Variants in SNTB1 observed in about 807,000 individuals in gnomAD.
The protein encoded by SNTB1 is beta-1-syntrophin.
Under a neutral mutation model 48.9 loss-of-function variants are expected in SNTB1, and 36 were observed. The observed-to-expected ratio is 0.74, with a 90% confidence interval of 0.56 to 0.97. The LOEUF is 0.97. Among genes scored for constraint, SNTB1 ranks in the 50% least tolerant of loss-of-function variants. SNTB1 has a pLI of 0.00. For missense variants in SNTB1, 786 were observed against 703.4 expected (o/e 1.12, Z -1.33); for synonymous variants, 299 against 294.6 (o/e 1.01, Z -0.15).
chr8:120,763,173 A>G (rs2130072315), intron 1 of SNTB1, among the ~76,000 whole-genome samples: 1 of 152,370 alleles, frequency 6.6e-6, no homozygotes, highest in African/African-American at 2.4e-5. Context: ...TGAATCTTAT[A>G]TATCGCATTA....
intron 2 of SNTB1, among the ~76,000 whole-genome samples, chr8:120,686,328 A>AT (rs904078684): frequency 1.3e-5 from 2 of 152,166 alleles, no homozygotes; most frequent in Admixed American, 1.3e-4. Context: ...AACAATATAA[A>AT]TTTTTTTCTC....
Position 120,758,340 on chromosome 8 carries a change from G to A in SNTB1, c.571+52933C>T, listed in dbSNP as rs1003402744. 6.6e-5 allele frequency among the ~76,000 whole-genome samples: 10 copies of A among 152,094 alleles called. No individual in the cohort carries two copies. In the East Asian group the frequency reaches 1.5e-3, roughly 24 times the overall value. On this transcript the variant is annotated intron_variant, in intron 1 of 6. Coordinates refer to ENST00000517992, the MANE Select transcript of SNTB1 (RefSeq NM_021021.4). Reference sequence around the variant, plus strand: ...CACACATGGGTTGAGGGGAGGATATGAGTTTCTCACCTCCAGACATATTCA... The same window carrying A: ...CACACATGGGTTGAGGGGAGGATATAAGTTTCTCACCTCCAGACATATTCA...
chr8:120,726,701 T>C (rs1005320272), intron 1 of SNTB1, among the ~76,000 whole-genome samples: 3 of 151,298 alleles, frequency 2.0e-5, no homozygotes, highest in African/African-American at 7.3e-5. Context: ...TGCCATAGAA[T>C]ACAGAAAGCT....
At chr8:120,618,229 A>T (rs1014006758) in intron 3 of SNTB1, among the ~76,000 whole-genome samples, 2 of 152,136 alleles carry the variant, frequency 1.3e-5, no homozygotes, top group African/African-American at 4.8e-5. Context: ...ACAGGTCTGT[A>T]TTTGAAATTC....
chr8:120,648,495 C>T (rs1198035757), intron 2 of SNTB1, among the ~76,000 whole-genome samples: 9 of 151,738 alleles, frequency 5.9e-5, no homozygotes, highest in Non-Finnish European at 1.3e-4. Flanking sequence ...AATATTGGCC[C>T]CCACTCTCTT....
chr8:120,566,760 T>C (rs1563819105), intron 4 of SNTB1, among the ~76,000 whole-genome samples: 1 of 152,196 alleles, frequency 6.6e-6, no homozygotes, highest in African/African-American at 2.4e-5. Context: ...GAACATTTGC[T>C]TGTTTAACAG....
At chr8:120,597,856 C>T (rs1182322974) in intron 3 of SNTB1, among the ~76,000 whole-genome samples, 4 of 152,194 alleles carry the variant, frequency 2.6e-5, no homozygotes, top group Non-Finnish European at 4.4e-5. Context: ...AATCTTAATC[C>T]TTCAGAGGCC....
intron 3 of SNTB1, among the ~76,000 whole-genome samples, chr8:120,580,708 GTAA>G (rs1313124223): frequency 6.6e-6 from 1 of 152,160 alleles, no homozygotes; most frequent in Non-Finnish European, 1.5e-5. Flanking sequence ...AGCTATCGGT[GTAA>G]TAATAATAAT....
intron 4 of SNTB1, among the ~76,000 whole-genome samples, chr8:120,559,804 C>T (rs139959386): frequency 1.1e-3 from 169 of 152,248 alleles, no homozygotes; most frequent in African/African-American, 3.8e-3. Flanking sequence ...CAAACAGTTA[C>T]AGCACACAGA....
At chr8:120,672,323 A>G (rs774518558) in intron 2 of SNTB1, among the ~76,000 whole-genome samples, 2 of 152,214 alleles carry the variant, frequency 1.3e-5, no homozygotes, top group Non-Finnish European at 2.9e-5. Flanking sequence ...ATCATGAAAT[A>G]TTTTAAAGTG....
intron 3 of SNTB1, among the ~76,000 whole-genome samples, chr8:120,586,345 C>T (rs773757902): frequency 1.8e-4 from 27 of 152,172 alleles, no homozygotes; most frequent in Non-Finnish European, 3.8e-4. Context: ...ATTTGCTATC[C>T]TATAGTGCTG....
intron 4 of SNTB1, among the ~76,000 whole-genome samples, chr8:120,554,923 A>C (rs1419525956): frequency 6.6e-6 from 1 of 152,168 alleles, no homozygotes; most frequent in Admixed American, 6.5e-5. Flanking sequence ...TGCTTTGTTC[A>C]AGTCCTTTCT....
intron 1 of SNTB1, among the ~76,000 whole-genome samples, chr8:120,741,913 T>A (rs147551766): frequency 4.6e-5 from 7 of 152,320 alleles, no homozygotes; most frequent in African/African-American, 1.7e-4. Flanking sequence ...AAAGACTGTA[T>A]GTGACATGCA....
At chr8:120,727,299 G>A (rs1818773597) in intron 1 of SNTB1, among the ~76,000 whole-genome samples, 1 of 152,108 alleles carries the variant, frequency 6.6e-6, no homozygotes, top group African/African-American at 2.4e-5. Context: ...GGTGTCCAAG[G>A]GTTATGTCTA....
intron 4 of SNTB1, among the ~76,000 whole-genome samples, chr8:120,566,797 C>A (rs1451376581): frequency 6.6e-6 from 1 of 152,182 alleles, no homozygotes; most frequent in East Asian, 1.9e-4. Flanking sequence ...CGCTGCTGGG[C>A]AAGCCAGAAA....
intron 2 of SNTB1, chr8:120,637,745 CATAAG>C (rs775116607): frequency 1.4e-5 from 6 of 423,068 alleles, no homozygotes; most frequent in Non-Finnish European, 1.8e-5. Flanking sequence ...CAGTTCACAG[CATAAG>C]ATAAGACATT....
rs145615160 is a variant in SNTB1 at position 120,811,675 on chromosome 8, A to G, written c.169T>C (p.Tyr57His). 4.0e-5 allele frequency: 64 copies of G among 1,592,330 alleles called. No homozygotes were observed. Among genetic ancestry groups the G allele is most frequent in the Non-Finnish European group, 5.4e-5 (63 of 1,173,126 alleles). Reference sequence around the variant, plus strand: ...TTGGTGGCGGTCCCGATGCCGTTGTACGCCGCAGCGCCCTCCTCGCTGCTC... The same window carrying G: ...TTGGTGGCGGTCCCGATGCCGTTGTGCGCCGCAGCGCCCTCCTCGCTGCTC... ...VLSSEEGAAA[Y>H]NGIGTATNGS... Residue 57 changes from tyrosine to histidine, a missense_variant, in exon 1 of 7, where the codon TAC (tyrosine) becomes CAC (histidine). Physicochemically the swap from Tyr to His is moderately conservative, Grantham distance 83. Coordinates refer to ENST00000517992, the MANE Select transcript of SNTB1 (RefSeq NM_021021.4).
intron 1 of SNTB1, among the ~76,000 whole-genome samples, chr8:120,801,845 A>C (rs759337144): frequency 6.6e-6 from 1 of 152,090 alleles, no homozygotes; most frequent in Non-Finnish European, 1.5e-5. Flanking sequence ...AAAAATTCAC[A>C]ATGACATTGT....
At chr8:120,646,793 T>A (rs199832059) in intron 2 of SNTB1, among the ~76,000 whole-genome samples, 2 of 152,162 alleles carry the variant, frequency 1.3e-5, no homozygotes, top group South Asian at 4.1e-4. Context: ...TCCATCTGGT[T>A]CTGGACTCTT....
Sources: allele counts gnomAD v4.1 joint callset (sites outside exome capture counted in the v4.1 genomes callset), GRCh38; gene constraint gnomAD v4.1.1; transcripts MANE v1.5; gene names NCBI Gene and HGNC (gene_info 2026-07-23, HGNC 2026-07-21).